The following ATL2 variants were observed in gnomAD, a reference collection of about 807,000 sequenced individuals.
ATL2 encodes atlastin GTPase 2, also known as atlastin-2.
A neutral mutation model predicts 73.9 loss-of-function variants in ATL2; 31 were observed. The observed-to-expected ratio is 0.42, with a 90% CI of 0.32 to 0.57. The LOEUF (loss-of-function observed/expected upper bound fraction) is 0.57. Ranked by LOEUF, ATL2 falls within the 20% of genes least tolerant of loss-of-function variation. The pLI, the probability that ATL2 is intolerant of heterozygous loss-of-function variation, is 0.14. For missense variants in ATL2, 738 were observed against 702.6 expected (o/e 1.05, Z -0.57); for synonymous variants, 291 against 237.5 (o/e 1.23, Z -2.07).
intron 9 of ATL2, among the ~76,000 whole-genome samples, chr2:38,301,704 A>G (rs1335601613): frequency 6.6e-6 from 1 of 152,226 alleles, no homozygotes; most frequent in Admixed American, 6.5e-5. Flanking sequence ...TCCTGCCACC[A>G]TGGGCTACAG....
intron 12 of ATL2, among the ~76,000 whole-genome samples, chr2:38,297,646 T>C (rs1233854032): frequency 6.6e-6 from 1 of 152,138 alleles, no homozygotes; most frequent in African/African-American, 2.4e-5. Context: ...TGGTAAGAAA[T>C]CCCTACGGGA....
chr2:38,375,952 T>A (rs542650185), intron 1 of ATL2, among the ~76,000 whole-genome samples: 1 of 152,206 alleles, frequency 6.6e-6, no homozygotes, highest in Non-Finnish European at 1.5e-5. Context: ...ATGAAGTATA[T>A]TTCAAATAAA....
intron 1 of ATL2, among the ~76,000 whole-genome samples, chr2:38,349,558 G>C (rs1275844510): frequency 6.7e-6 from 1 of 150,254 alleles, no homozygotes; most frequent in Non-Finnish European, 1.5e-5. Context: ...AGCATTAGGA[G>C]TATACCTAAT....
intron 1 of ATL2, chr2:38,376,457 C>T: frequency 3.6e-6 from 1 of 280,772 alleles, no homozygotes; most frequent in Non-Finnish European, 6.5e-6. Flanking sequence ...CGGCTCATAA[C>T]CCCAGTTTGA....
In ATL2 at chr2:38,298,374, T is replaced by C; in HGVS notation, c.1402A>G (p.Ile468Val). The change falls in exon 12 of 13, where the codon ATC becomes GTC. Residue 468 changes from isoleucine to valine, a missense_variant. By Grantham distance (29) the Ile-to-Val change is conservative (BLOSUM62 3). Transcript: ENST00000378954. ...GCTGGGGTACGAGCAGCATAGAAGA[T>C]ATTTTTGCCATCATTGTGCTTTATA... ...NFIKHNDGKNIFYAARTPATL... is the reference protein window; with the variant it reads ...NFIKHNDGKNVFYAARTPATL... 6.2e-7 allele frequency: 1 copy of C among 1,614,206 alleles called. No individual in the cohort carries two copies. The highest frequency in any genetic ancestry group is 8.5e-7 in the Non-Finnish European group (1 of 1,180,014).
intron 1 of ATL2, among the ~76,000 whole-genome samples, chr2:38,350,139 G>C (rs1306678560): frequency 1.3e-5 from 2 of 152,152 alleles, no homozygotes; most frequent in Non-Finnish European, 1.5e-5. Flanking sequence ...TTAAACTGAA[G>C]TTACGTCCTG....
chr2:38,354,827 T>C (rs1466766577), intron 1 of ATL2, among the ~76,000 whole-genome samples: 1 of 151,558 alleles, frequency 6.6e-6, no homozygotes, highest in African/African-American at 2.4e-5. Flanking sequence ...GAGGCGGAGG[T>C]TGCAGTGAGC....
At chr2:38,296,687 T>C in intron 12 of ATL2, 2 of 1,560,636 alleles carry the variant, frequency 1.3e-6, no homozygotes, top group Non-Finnish European at 1.7e-6. Flanking sequence ...GTTTCTCACC[T>C]TCCTGGGACT....
chr2:38,319,296 C>A (rs1200554126), intron 2 of ATL2, among the ~76,000 whole-genome samples: 1 of 152,122 alleles, frequency 6.6e-6, no homozygotes, highest in Non-Finnish European at 1.5e-5. Flanking sequence ...CTCACTTTCC[C>A]CCTTTTCTGA....
chr2:38,303,647 G>C, intron 9 of ATL2, among the ~76,000 whole-genome samples: 1 of 152,148 alleles, frequency 6.6e-6, no homozygotes, highest in Non-Finnish European at 1.5e-5. Context: ...GCAAATCTAA[G>C]AGTTCATTGC....
At chr2:38,376,997 G>C (rs1672012786) in intron 1 of ATL2, 146 bp downstream of exon 1, 1 of 567,064 alleles carries the variant, frequency 1.8e-6, no homozygotes, top group Non-Finnish European at 2.8e-6. Flanking sequence ...GCTGAGGCTA[G>C]GCCCGGCGGG....
chr2:38,298,126 CA>C lies in ATL2; in HGVS notation c.1632+17del. The C allele has an allele frequency of 6.3e-7, 1 of 1,576,018 alleles. No individual in the cohort carries two copies. The highest frequency in any genetic ancestry group is 8.6e-7 in the Non-Finnish European group (1 of 1,161,164). On this transcript the variant is annotated intron_variant, in intron 12 of 12. Coordinates refer to ENST00000378954, the MANE Select transcript of ATL2 (RefSeq NM_001135673.4). The stretch of plus-strand genomic sequence containing the variant: ...AAAATAAGATTAGTCACTAAAAAAC[CA>C]AAAGATAGATACCAACCTGTTCCCA...
chr2:38,309,352 G>A, intron 9 of ATL2, 27 bp downstream of exon 9: 4 of 1,578,330 alleles, frequency 2.5e-6, no homozygotes, highest in Non-Finnish European at 3.4e-6. Context: ...TTCTATCTTA[G>A]ACAAAACTGT....
intron 1 of ATL2, chr2:38,376,218 C>A: frequency 6.7e-7 from 1 of 1,492,976 alleles, no homozygotes; most frequent in South Asian, 1.3e-5. Context: ...TCAATTCGCA[C>A]CACAGTGAGA....
intron 1 of ATL2, among the ~76,000 whole-genome samples, chr2:38,359,956 C>T (rs1001964003): frequency 6.6e-6 from 1 of 151,632 alleles, no homozygotes; most frequent in Non-Finnish European, 1.5e-5. Context: ...GGTGAAACCC[C>T]GTCTCTACTA....
At chr2:38,312,500 G>A (rs1667810092) in intron 7 of ATL2, among the ~76,000 whole-genome samples, 1 of 152,108 alleles carries the variant, frequency 6.6e-6, no homozygotes, top group Admixed American at 6.5e-5. Context: ...CACAAGGTCA[G>A]GAGTTCAAGA....
At chr2:38,363,196 C>T (rs528095261) in intron 1 of ATL2, among the ~76,000 whole-genome samples, 1 of 152,268 alleles carries the variant, frequency 6.6e-6, no homozygotes, top group East Asian at 1.9e-4. Flanking sequence ...GGATGCACAA[C>T]CAGGTCTTTC....
At chr2:38,373,874 G>A (rs1671820310) in intron 1 of ATL2, among the ~76,000 whole-genome samples, 1 of 151,954 alleles carries the variant, frequency 6.6e-6, no homozygotes, top group South Asian at 2.1e-4. Context: ...ATATTTTCAG[G>A]TTGGTACTTT....
chr2:38,329,530 G>T (rs1488746127), intron 2 of ATL2, among the ~76,000 whole-genome samples: 1 of 150,508 alleles, frequency 6.6e-6, no homozygotes, highest in Non-Finnish European at 1.5e-5. Context: ...AGCATTTAAG[G>T]AAGAAATGGT....
Sources: allele counts gnomAD v4.1 joint callset (sites outside exome capture counted in the v4.1 genomes callset), GRCh38; gene constraint gnomAD v4.1.1; transcripts MANE v1.5; gene names NCBI Gene and HGNC (gene_info 2026-07-23, HGNC 2026-07-21).